NALF1: variants seen among roughly 807,000 people sequenced by gnomAD.
The protein encoded by NALF1 is NALCN channel auxiliary factor 1, also known as family with sequence similarity 155 member A.
In NALF1, 3 loss-of-function variants were observed where a neutral mutation model predicts 48.4. The observed-to-expected ratio is 0.06, with a 90% CI of 0.03 to 0.16. The LOEUF is 0.16. NALF1 is among the 10% of genes least tolerant of loss of function. The probability of loss-of-function intolerance (pLI) is 1.00; values close to 1 mark genes in which losing one functional copy is unlikely to be tolerated. For synonymous variants in NALF1, 262 were observed against 245.7 expected (o/e 1.07, Z -0.62); for missense variants, 526 against 571.5 (o/e 0.92, Z 0.81).
chr13:107,857,329 T>G (rs1880463623), intron 1 of NALF1, among the ~76,000 whole-genome samples: 1 of 152,196 alleles, frequency 6.6e-6, no homozygotes. Context: ...CATAACAGAA[T>G]ACAAAGCTGA....
intron 1 of NALF1, among the ~76,000 whole-genome samples, chr13:107,675,662 T>C (rs1303678188): frequency 6.6e-6 from 1 of 152,186 alleles, no homozygotes; most frequent in Non-Finnish European, 1.5e-5. Context: ...CTAAGGTTCT[T>C]TGCCTGGGGT....
intron 1 of NALF1, among the ~76,000 whole-genome samples, chr13:107,230,332 C>T (rs1174138464): frequency 1.3e-5 from 2 of 152,012 alleles, no homozygotes; most frequent in Admixed American, 1.3e-4. Flanking sequence ...CTTTATTTTT[C>T]TCTCCCTCAT....
At chr13:107,215,502 G>T (rs1054458172) in intron 1 of NALF1, among the ~76,000 whole-genome samples, 1 of 133,402 alleles carries the variant, frequency 7.5e-6, no homozygotes, top group African/African-American at 2.5e-5. Flanking sequence ...CACTCTTAAT[G>T]AAGATTTTTT....
At chr13:107,541,606 C>T (rs1296961057) in intron 1 of NALF1, among the ~76,000 whole-genome samples, 1 of 152,118 alleles carries the variant, frequency 6.6e-6, no homozygotes. Flanking sequence ...TTTATATATG[C>T]ACTGTGCCCT....
chr13:107,596,421 C>T (rs1878751027), intron 1 of NALF1, among the ~76,000 whole-genome samples: 1 of 152,084 alleles, frequency 6.6e-6, no homozygotes, highest in African/African-American at 2.4e-5. Context: ...GGAAACAACC[C>T]AAATGCTCAT....
At chr13:107,830,386 A>G (rs971559216) in intron 1 of NALF1, among the ~76,000 whole-genome samples, 2 of 152,156 alleles carry the variant, frequency 1.3e-5, no homozygotes, top group Non-Finnish European at 1.5e-5. Flanking sequence ...GTGGCTGTAC[A>G]TTTTACATTC....
At chr13:107,448,650 A>T (rs1245434834) in intron 1 of NALF1, among the ~76,000 whole-genome samples, 2 of 152,296 alleles carry the variant, frequency 1.3e-5, no homozygotes, top group South Asian at 4.1e-4. Flanking sequence ...ACATACAATG[A>T]GCAACTACTA....
chr13:107,754,354 AACACACACACACACACACAC>A (rs6145234), intron 1 of NALF1, among the ~76,000 whole-genome samples: 24 of 142,306 alleles, frequency 1.7e-4, no homozygotes, highest in African/African-American at 3.6e-4. Context: ...GTACATTGTG[AACACACACACACACACACAC>A]ACACACACAC....
intron 1 of NALF1, among the ~76,000 whole-genome samples, chr13:107,238,104 T>C (rs567989466): frequency 6.6e-6 from 1 of 152,134 alleles, no homozygotes; most frequent in Admixed American, 6.5e-5. Context: ...TAAGGCTCAG[T>C]TTTTAGGATG....
intron 1 of NALF1, among the ~76,000 whole-genome samples, chr13:107,586,433 C>A (rs1430433697): frequency 6.6e-6 from 1 of 152,022 alleles, no homozygotes; most frequent in Non-Finnish European, 1.5e-5. Flanking sequence ...GGACTCCAAA[C>A]AGTAAATTCA....
chr13:107,798,913 T>C (rs1252722836), intron 1 of NALF1, among the ~76,000 whole-genome samples: 1 of 152,214 alleles, frequency 6.6e-6, no homozygotes, highest in African/African-American at 2.4e-5. Flanking sequence ...TCGTAGCCTT[T>C]TGAGCACCTA....
chr13:107,545,686 A>G (rs1187946101), intron 1 of NALF1, among the ~76,000 whole-genome samples: 1 of 152,038 alleles, frequency 6.6e-6, no homozygotes, highest in Non-Finnish European at 1.5e-5. Context: ...CGTACGACGC[A>G]TCCCAATGGG....
chr13:107,591,967 C>T lies in NALF1; in HGVS notation c.915+273715G>A, dbSNP rs985454304. ...TTTCAAATATTTACCTAACCACGTG[C>T]AAAAATTTTACTCAGATGACACTTT... is the stretch of plus-strand genomic sequence containing the variant. On this transcript the variant is annotated intron_variant, in intron 1 of 2. Transcript: ENST00000375915. Among the ~76,000 whole-genome samples the T allele has an allele frequency of 2.0e-5, 3 of 151,886 alleles. No individual in the cohort carries two copies. In the South Asian group the frequency reaches 6.2e-4, roughly 32 times the overall value.
At chr13:107,709,437 A>T (rs1555319912) in intron 1 of NALF1, among the ~76,000 whole-genome samples, 1 of 152,204 alleles carries the variant, frequency 6.6e-6, no homozygotes, top group Non-Finnish European at 1.5e-5. Flanking sequence ...ACCCTCTGTC[A>T]GGCCTTCAGA....
chr13:107,519,483 A>G (rs7993162), intron 1 of NALF1, among the ~76,000 whole-genome samples: 102,336 of 151,790 alleles, frequency 0.67, 35,841 homozygotes, highest in Middle Eastern at 0.81. Flanking sequence ...TTCATGCCCC[A>G]AGGATGTCCC....
intron 1 of NALF1, among the ~76,000 whole-genome samples, chr13:107,296,220 A>G (rs1881722123): frequency 6.6e-6 from 1 of 152,234 alleles, no homozygotes; most frequent in Non-Finnish European, 1.5e-5. Context: ...TTGCCAAAAG[A>G]GTATTTGTAA....
chr13:107,485,671 A>G (rs192375097), intron 1 of NALF1, among the ~76,000 whole-genome samples: 3 of 152,342 alleles, frequency 2.0e-5, no homozygotes, highest in African/African-American at 4.8e-5. Flanking sequence ...TTCAATAACT[A>G]TTCATTGAAG....
intron 1 of NALF1, among the ~76,000 whole-genome samples, chr13:107,527,845 G>A (rs2139103758): frequency 6.6e-6 from 1 of 152,172 alleles, no homozygotes; most frequent in East Asian, 1.9e-4. Context: ...CAGCCACGTG[G>A]AACTGTGAGT....
chr13:107,336,160 T>C (rs1882551161), intron 1 of NALF1, among the ~76,000 whole-genome samples: 1 of 152,220 alleles, frequency 6.6e-6, no homozygotes, highest in South Asian at 2.1e-4. Context: ...AAGACTGGCC[T>C]GGCTAACATG....
Sources: gnomAD v4.1 joint callset for allele counts (sites outside exome capture counted in the v4.1 genomes callset) on GRCh38, gnomAD v4.1.1 for gene constraint, MANE v1.5 for transcripts, NCBI Gene and HGNC (gene_info 2026-07-23, HGNC 2026-07-21) for gene names.